Variants in LHCGR observed in about 807,000 individuals in gnomAD.
LHCGR encodes the protein luteinizing hormone/choriogonadotropin receptor.
Under a neutral mutation model 60.7 loss-of-function variants are expected in LHCGR, and 55 were observed. The observed-to-expected ratio is 0.91, with a 90% confidence interval of 0.73 to 1.13. LHCGR has a LOEUF of 1.13. LHCGR is among the 50% of genes most tolerant of loss of function. LHCGR has a pLI of 0.00. For synonymous variants in LHCGR, 337 were observed against 316.5 expected, an observed-to-expected ratio of 1.06 and a Z score of -0.69; for missense variants, 862 against 836.0, an observed-to-expected ratio of 1.03 and a Z score of -0.38.
intron 2 of LHCGR, 32 bp from the exon 3 acceptor site, chr2:48,729,259 G>C (rs778288030): frequency 2.0e-6 from 3 of 1,506,062 alleles, no homozygotes; most frequent in Admixed American, 1.7e-5. Context: ...AAAAGAGAAA[G>C]AAACATGAAA....
chr2:48,726,216 G>C (rs933752283), intron 3 of LHCGR, among the ~76,000 whole-genome samples: 5 of 152,138 alleles, frequency 3.3e-5, no homozygotes, highest in African/African-American at 1.2e-4. Flanking sequence ...ATACCGAGGG[G>C]CACCAGTCTG....
intron 6 of LHCGR, among the ~76,000 whole-genome samples, chr2:48,722,925 A>G (rs1384234861): frequency 6.6e-6 from 1 of 152,176 alleles, no homozygotes. Context: ...TCAAATAAAA[A>G]CACATTATTT....
At chr2:48,700,146 G>C (rs1273184533) in intron 8 of LHCGR, among the ~76,000 whole-genome samples, 1 of 152,150 alleles carries the variant, frequency 6.6e-6, no homozygotes, top group African/African-American at 2.4e-5. Flanking sequence ...AGGTAACCAG[G>C]GTTCTCATTC....
chr2:48,697,161 G>A (rs963792095), intron 9 of LHCGR, among the ~76,000 whole-genome samples: 15 of 152,096 alleles, frequency 9.9e-5, no homozygotes, highest in African/African-American at 3.1e-4. Flanking sequence ...TTCATCTACT[G>A]TCTCTTGCCT....
chr2:48,718,788 G>A (rs1169710804), intron 6 of LHCGR, among the ~76,000 whole-genome samples: 3 of 152,162 alleles, frequency 2.0e-5, no homozygotes, highest in African/African-American at 2.4e-5. Context: ...ATGGGTAACT[G>A]TGACCTGGTT....
intron 1 of LHCGR, among the ~76,000 whole-genome samples, chr2:48,754,039 G>T (rs189149911): frequency 6.6e-6 from 1 of 152,230 alleles, no homozygotes; most frequent in East Asian, 1.9e-4. Flanking sequence ...AGAGCAACAT[G>T]GCATGCTTGT....
chr2:48,725,642 C>T (rs763069744), intron 4 of LHCGR, 34 bp downstream of exon 4: 60 of 1,451,440 alleles, frequency 4.1e-5, no homozygotes, highest in African/African-American at 5.6e-5. Context: ...CCCATCTTCC[C>T]CTCCCCAATT....
intron 7 of LHCGR, among the ~76,000 whole-genome samples, chr2:48,709,367 C>T (rs1161883500): frequency 6.6e-6 from 1 of 152,190 alleles, no homozygotes; most frequent in Non-Finnish European, 1.5e-5. Flanking sequence ...GAGGCCAAGA[C>T]TGAACGGCTG....
intron 1 of LHCGR, among the ~76,000 whole-genome samples, chr2:48,753,805 AGTGTGTGT>A (rs70946826): frequency 5.3e-5 from 8 of 149,928 alleles, no homozygotes; most frequent in East Asian, 2.0e-4. Flanking sequence ...GGAGAAACTG[AGTGTGTGT>A]GTGTGTGTGT....
At chr2:48,736,043 C>A (rs1381909490) in intron 1 of LHCGR, among the ~76,000 whole-genome samples, 1 of 152,114 alleles carries the variant, frequency 6.6e-6, no homozygotes, top group Non-Finnish European at 1.5e-5. Flanking sequence ...TGCTTGCTTC[C>A]CTTTTGCCTT....
intron 8 of LHCGR, among the ~76,000 whole-genome samples, chr2:48,701,899 C>T (rs1048858510): frequency 2.6e-5 from 4 of 152,164 alleles, no homozygotes; most frequent in African/African-American, 9.7e-5. Context: ...AAATGACATG[C>T]CTGTTTATTG....
rs191118084 is a variant in LHCGR, at chr2:48,754,555, C to T, written c.161+956G>A. 2.0e-4 allele frequency among the ~76,000 whole-genome samples: 31 copies of T among 152,006 alleles called. No individual in the cohort carries two copies. In the South Asian group the frequency reaches 3.7e-3, roughly 18 times the overall value. On this transcript the variant is annotated intron_variant, in intron 1 of 10. Coordinates refer to ENST00000294954, the MANE Select transcript of LHCGR (RefSeq NM_000233.4). Reference sequence around the variant, plus strand: ...TGCAATTGTTTTTAATATGTTCACACGCAACTGTCTCTACAATCTAATTTT... The same window carrying T: ...TGCAATTGTTTTTAATATGTTCACATGCAACTGTCTCTACAATCTAATTTT...
At chr2:48,738,050 A>G (rs995746633) in intron 1 of LHCGR, among the ~76,000 whole-genome samples, 50 of 152,182 alleles carry the variant, frequency 3.3e-4, no homozygotes, top group Non-Finnish European at 4.9e-4. Flanking sequence ...ACTCTACTAC[A>G]TGATCCTCTG....
At chr2:48,690,624 A>T (rs545113607) in intron 10 of LHCGR, among the ~76,000 whole-genome samples, 1 of 152,170 alleles carries the variant, frequency 6.6e-6, no homozygotes, top group African/African-American at 2.4e-5. Context: ...CTGTCTTTGT[A>T]CGTACTTCTG....
At chr2:48,705,000 C>A (rs1258356839) in intron 8 of LHCGR, among the ~76,000 whole-genome samples, 1 of 152,200 alleles carries the variant, frequency 6.6e-6, no homozygotes, top group Non-Finnish European at 1.5e-5. Context: ...AATTTTAGAT[C>A]TTTCCTGCCT....
chr2:48,733,531 G>C (rs1669095178), intron 1 of LHCGR, among the ~76,000 whole-genome samples: 1 of 152,186 alleles, frequency 6.6e-6, no homozygotes, highest in Non-Finnish European at 1.5e-5. Context: ...AGCAGGAAAG[G>C]CAGCAGTGGG....
At chr2:48,743,623 G>A (rs1357992633) in intron 1 of LHCGR, among the ~76,000 whole-genome samples, 1 of 152,084 alleles carries the variant, frequency 6.6e-6, no homozygotes, top group Admixed American at 6.5e-5. Flanking sequence ...TGCAGAAAAG[G>A]ACTTTGACAA....
At chr2:48,746,210 G>C (rs1244870938) in intron 1 of LHCGR, among the ~76,000 whole-genome samples, 1 of 152,196 alleles carries the variant, frequency 6.6e-6, no homozygotes, top group African/African-American at 2.4e-5. Flanking sequence ...GCAGGGGGTA[G>C]GGGTGGATAG....
intron 7 of LHCGR, among the ~76,000 whole-genome samples, chr2:48,710,066 A>G (rs1667903965): frequency 6.6e-6 from 1 of 152,060 alleles, no homozygotes; most frequent in Non-Finnish European, 1.5e-5. Context: ...ACATACTAAC[A>G]CCCATTCCCC....
Sources: gnomAD v4.1 joint callset for allele counts (sites outside exome capture counted in the v4.1 genomes callset) on GRCh38, gnomAD v4.1.1 for gene constraint, MANE v1.5 for transcripts, NCBI Gene and HGNC (gene_info 2026-07-23, HGNC 2026-07-21) for gene names.